VRK2: variants seen among roughly 807,000 people sequenced by gnomAD.
The protein encoded by VRK2 is VRK serine/threonine kinase 2.
Under a neutral mutation model 57.6 loss-of-function variants are expected in VRK2, and 60 were observed. The ratio of observed to expected loss-of-function variants is 1.04; its 90% CI spans 0.85 to 1.29. The LOEUF (loss-of-function observed/expected upper bound fraction) is 1.29, where lower values mean the gene tolerates loss of function less well. Among genes scored for constraint, VRK2 ranks in the 50% most tolerant of loss-of-function variants. The pLI is 0.00. For missense variants in VRK2, 705 were observed against 588.1 expected, an observed-to-expected ratio of 1.20 and a Z score of -2.06; for synonymous variants, 231 against 199.2, an observed-to-expected ratio of 1.16 and a Z score of -1.35.
intron 10 of VRK2, among the ~76,000 whole-genome samples, chr2:58,138,390 G>C (rs562954158): frequency 1.2e-4 from 19 of 152,184 alleles, no homozygotes; most frequent in African/African-American, 3.6e-4. Flanking sequence ...GATAAAAATA[G>C]ATGAAAAAAA....
At chr2:58,088,546 A>C in intron 6 of VRK2, 100 bp downstream of exon 6, 1 of 951,166 alleles carries the variant, frequency 1.1e-6, no homozygotes, top group East Asian at 2.4e-5. Flanking sequence ...ATGAAGGATT[A>C]TTGCCCTAGA....
rs1671415261 is a variant in VRK2 at position 58,084,960 on chromosome 2, A to G, written c.256+10A>G. On this transcript the variant is annotated intron_variant, in intron 4 of 12. Transcript: ENST00000340157. ...GCAAAAAAAGACTGTAGTAAGTAAA[A>G]TTAGCAAAGCAAGCTACTTCCATAT... is the stretch of plus-strand genomic sequence containing the variant. 1.3e-6 allele frequency: 2 copies of G among 1,572,162 alleles called. No homozygotes were observed. The highest frequency in any genetic ancestry group is 1.4e-5 in the African/African-American group (1 of 72,842).
chr2:58,138,351 G>T (rs1162120896), intron 10 of VRK2, among the ~76,000 whole-genome samples: 1 of 152,074 alleles, frequency 6.6e-6, no homozygotes, highest in African/African-American at 2.4e-5. Context: ...ACAGAGATCT[G>T]GTTGACCGAA....
intron 2 of VRK2, among the ~76,000 whole-genome samples, chr2:58,055,589 A>G (rs1164558703): frequency 3.9e-5 from 6 of 152,156 alleles, no homozygotes; most frequent in Non-Finnish European, 8.8e-5. Flanking sequence ...TTCAGTGGAG[A>G]TGAATATTTC....
chr2:58,023,101 C>T (rs1481523704), intron 1 of VRK2, among the ~76,000 whole-genome samples: 1 of 152,176 alleles, frequency 6.6e-6, no homozygotes, highest in East Asian at 1.9e-4. Context: ...TCTTCCCAGA[C>T]TGAAACTCTG....
Position 58,139,763 on chromosome 2 carries a change from A to T in VRK2, c.954A>T (p.Ile318=), listed in dbSNP as rs750136697. The part of the protein sequence containing the change: ...ALKKILNPHG[I]PLGPLDFSTK... Reference sequence around the variant, plus strand: ...AGAAAATTTTGAACCCTCATGGAATACCTTTAGGACCACTGGACTTTTCCA... The same window carrying T: ...AGAAAATTTTGAACCCTCATGGAATTCCTTTAGGACCACTGGACTTTTCCA... Residue 318 remains isoleucine, a synonymous_variant, in exon 11 of 13, where the codon ATA becomes ATT. Transcript: ENST00000340157. 3 of 1,613,152 alleles carry T rather than the reference A, an allele frequency of 1.9e-6. No homozygotes were observed. The African/African-American group carries it at 4.0e-5, about 22-fold the overall frequency.
chr2:58,000,047 C>A lies in VRK2; in HGVS notation c.-438-25618C>A, dbSNP rs547802013. On this transcript the variant is annotated intron_variant, in intron 1 of 15. Transcript: ENST00000417641. ...ACACACGCATGCACACACAATAAAC[C>A]TCATTTCTACCTAAGAATGCAAATT... is the stretch of plus-strand genomic sequence containing the variant. 7.2e-5 allele frequency among the ~76,000 whole-genome samples: 11 copies of A among 152,178 alleles called. No homozygotes were observed. In the East Asian group the frequency reaches 1.5e-3, roughly 21 times the overall value.
intron 1 of VRK2, among the ~76,000 whole-genome samples, chr2:57,949,598 G>A (rs980169508): frequency 3.3e-5 from 5 of 151,938 alleles, no homozygotes; most frequent in South Asian, 4.2e-4. Flanking sequence ...CCCCCTCCTT[G>A]GACTTCTCTG....
At chr2:57,956,640 A>G (rs751929711) in intron 1 of VRK2, among the ~76,000 whole-genome samples, 13 of 152,298 alleles carry the variant, frequency 8.5e-5, no homozygotes, top group Non-Finnish European at 1.8e-4. Flanking sequence ...TCGTATGAAG[A>G]ACCATACTTA....
intron 2 of VRK2, among the ~76,000 whole-genome samples, chr2:58,062,488 G>T (rs1012940079): frequency 1.3e-5 from 2 of 152,054 alleles, no homozygotes; most frequent in African/African-American, 4.8e-5. Context: ...TAGGTTAAAG[G>T]CTAGGCCTCT....
intron 1 of VRK2, among the ~76,000 whole-genome samples, chr2:57,958,010 G>A (rs966294382): frequency 1.3e-5 from 2 of 152,110 alleles, no homozygotes; most frequent in African/African-American, 4.8e-5. Context: ...CACTGACACT[G>A]ACTGTGTCCA....
chr2:58,056,099 CT>C (rs530021382), intron 2 of VRK2, among the ~76,000 whole-genome samples: 1,803 of 152,164 alleles, frequency 0.012, 12 homozygotes, highest in Non-Finnish European at 0.019. Context: ...CCCCCACCCC[CT>C]AAAAGAGGGC....
Position 58,120,184 on chromosome 2 carries a change from C to CTTTTTTTTTTTTTTTTTTTTTTTTTTT in VRK2, c.544-2893_544-2892insTTTTTTTTTTTTTTTTTTTTTTTTTTT, listed in dbSNP as rs397868874. Among the ~76,000 whole-genome samples, 68 of 51,976 alleles carry CTTTTTTTTTTTTTTTTTTTTTTTTTTT rather than the reference C, an allele frequency of 1.3e-3. 12 individuals carry two copies. Among genetic ancestry groups the CTTTTTTTTTTTTTTTTTTTTTTTTTTT allele is most frequent in the Middle Eastern group, 0.02 (1 of 50 alleles). The allele number at this position is 51,976 out of a possible 152,430, so 34.1% of individuals were successfully genotyped here. ...CTTTTTGTCTATTTTTTTTTCTTTT[C>CTTTTTTTTTTTTTTTTTTTTTTTTTTT]TTTTTTTTTTTTTTTTTTTTTTTTG... On this transcript the variant is annotated intron_variant, in intron 7 of 12. Coordinates refer to ENST00000340157, the MANE Select transcript of VRK2 (RefSeq NM_006296.7).
chr2:57,910,248 A>G (rs1337567228), intron 1 of VRK2, among the ~76,000 whole-genome samples: 3 of 152,166 alleles, frequency 2.0e-5, no homozygotes, highest in Non-Finnish European at 4.4e-5. Context: ...CTCCATGCAG[A>G]TTTTCAACAC....
intron 1 of VRK2, among the ~76,000 whole-genome samples, chr2:58,003,558 AT>A (rs997234560): frequency 2.6e-5 from 4 of 152,146 alleles, no homozygotes; most frequent in African/African-American, 9.6e-5. Context: ...ACTGCAAATT[AT>A]TTTTAGCATA....
At chr2:58,114,865 A>G (rs898079638) in intron 7 of VRK2, among the ~76,000 whole-genome samples, 3 of 152,184 alleles carry the variant, frequency 2.0e-5, no homozygotes, top group African/African-American at 7.2e-5. Context: ...TTACTTATTC[A>G]GTGAAAGCGT....
chr2:58,150,268 C>G (rs1299710617), intron 12 of VRK2, among the ~76,000 whole-genome samples: 1 of 151,272 alleles, frequency 6.6e-6, no homozygotes, highest in Non-Finnish European at 1.5e-5. Context: ...AATTTTTTAA[C>G]TGCACATTTA....
chr2:58,041,556 G>A (rs1674456299), intron 3 of VRK2, among the ~76,000 whole-genome samples: 1 of 151,732 alleles, frequency 6.6e-6, no homozygotes, highest in Admixed American at 6.6e-5. Flanking sequence ...ACCAGGCCCT[G>A]AAAAAAAATG....
At chr2:58,154,618 T>C in intron 12 of VRK2, 1 of 627,796 alleles carries the variant, frequency 1.6e-6, no homozygotes, top group South Asian at 2.0e-5. Flanking sequence ...TCCATTCGGT[T>C]CAATGTATTT....
Sources: gnomAD v4.1 joint callset for allele counts (sites outside exome capture counted in the v4.1 genomes callset) on GRCh38, gnomAD v4.1.1 for gene constraint, MANE v1.5 for transcripts, NCBI Gene and HGNC (gene_info 2026-07-23, HGNC 2026-07-21) for gene names.